Variants in TMEM50B observed in about 807,000 individuals in gnomAD.
The protein encoded by TMEM50B is transmembrane protein 50B, also known as HCV p7-trans-regulated protein 3.
TMEM50B carries 14 observed loss-of-function variants against 23.4 expected under a neutral mutation model. The observed-to-expected ratio is 0.60, with a 90% CI of 0.39 to 0.93. The LOEUF (loss-of-function observed/expected upper bound fraction) is 0.93, where lower values mean the gene tolerates loss of function less well. Among genes scored for constraint, TMEM50B ranks in the 40% least tolerant of loss-of-function variants. The pLI is 0.00. For synonymous variants in TMEM50B, 64 were observed against 62.3 expected (o/e 1.03, Z -0.13); for missense variants, 159 against 193.0 (o/e 0.82, Z 1.04).
chr21:33,435,102 A>G (rs1173018349), intron 8 of TMEM50B, among the ~76,000 whole-genome samples: 1 of 152,230 alleles, frequency 6.6e-6, no homozygotes, highest in Non-Finnish European at 1.5e-5. Context: ...AGTATCTTTC[A>G]GCATTTCCAA....
intron 8 of TMEM50B, chr21:33,437,502 T>G (rs1163955000): frequency 6.5e-6 from 1 of 153,566 alleles, no homozygotes; most frequent in Non-Finnish European, 1.4e-5. Context: ...GATTGTATAG[T>G]GCATGTTTTT....
intron 4 of TMEM50B, among the ~76,000 whole-genome samples, chr21:33,460,958 G>C (rs114294188): frequency 7.9e-4 from 120 of 152,300 alleles, no homozygotes; most frequent in African/African-American, 2.8e-3. Context: ...TTCTTTAGGA[G>C]TATATTCAGG....
At chr21:33,436,998 A>G in intron 8 of TMEM50B, 1 of 1,611,140 alleles carries the variant, frequency 6.2e-7, no homozygotes, top group Non-Finnish European at 8.5e-7. Context: ...GCTCCCTGGA[A>G]GAGATCAAGC....
Position 33,449,859 on chromosome 21 carries a change from C to G in TMEM50B, c.*959G>C, listed in dbSNP as rs1224556982. 6.6e-6 allele frequency: 1 copy of G among 152,602 alleles called. No individual in the cohort carries two copies. The highest frequency in any genetic ancestry group is 2.4e-5 in the African/African-American group (1 of 41,444). 9.5% of individuals were successfully genotyped at this position (152,602 alleles called of 1,614,324 possible). A position where few individuals can be genotyped will look rare whatever the true frequency, so the allele number is the denominator to read the frequency against. ...CAGTGGATATTTGAAGCTGCTTTTA[C>G]GAGAAGCATGGTGCTGAGCTGCCTT... On this transcript the variant is annotated 3_prime_UTR_variant, in exon 7 of 7. Coordinates refer to ENST00000542230, the MANE Select transcript of TMEM50B (RefSeq NM_006134.7).
intron 7 of TMEM50B, among the ~76,000 whole-genome samples, chr21:33,441,049 G>A (rs1298551906): frequency 1.3e-5 from 2 of 151,788 alleles, no homozygotes; most frequent in Non-Finnish European, 2.9e-5. Context: ...GGCCAACAAG[G>A]TGACACCCTG....
At chr21:33,465,635 A>G (rs2084258613) in intron 3 of TMEM50B, among the ~76,000 whole-genome samples, 1 of 152,238 alleles carries the variant, frequency 6.6e-6, no homozygotes, top group Non-Finnish European at 1.5e-5. Flanking sequence ...AGAGATTTCT[A>G]TCACTTCTCT....
intron 5 of TMEM50B, among the ~76,000 whole-genome samples, chr21:33,457,859 AC>A (rs1349423561): frequency 6.6e-6 from 1 of 151,382 alleles, no homozygotes; most frequent in Non-Finnish European, 1.5e-5. Context: ...ACCCCAACCC[AC>A]CCCCCGGAAC....
chr21:33,464,731 G>A (rs188943431), intron 4 of TMEM50B, among the ~76,000 whole-genome samples: 33 of 148,042 alleles, frequency 2.2e-4, no homozygotes, highest in African/African-American at 7.8e-4. Context: ...TTGAACCCAG[G>A]GGGTGGAGGT....
intron 1 of TMEM50B, among the ~76,000 whole-genome samples, chr21:33,475,587 C>T (rs1009149174): frequency 1.3e-5 from 2 of 152,046 alleles, no homozygotes; most frequent in African/African-American, 2.4e-5. Flanking sequence ...ACCTCGTGAT[C>T]CACCCGCCTT....
At chr21:33,435,882 C>CA (rs35251279) in intron 8 of TMEM50B, among the ~76,000 whole-genome samples, 22,541 of 48,394 alleles carry the variant, frequency 0.47, 5,587 homozygotes, top group Middle Eastern at 0.5. Flanking sequence ...GACTCCGTCT[C>CA]AAAAAAAAAA....
At position 33,450,656 on chromosome 21, in the gene TMEM50B, A is replaced by G. The variant is rs1287893897; in HGVS notation, c.*162T>C. 1 of 576,126 alleles carries G rather than the reference A, an allele frequency of 1.7e-6. No individual in the cohort carries two copies. The highest frequency in any genetic ancestry group is 1.9e-5 in the African/African-American group (1 of 53,696). The allele number at this position is 576,126 out of a possible 1,614,324, so 35.7% of individuals were successfully genotyped here. A position where few individuals can be genotyped will look rare whatever the true frequency, so the allele number is the denominator to read the frequency against. ...ATTAACAGTCTATGCAATGAAAAAT[A>G]AAGAAATTTCATAAAACTATTTCAA... On this transcript the variant is annotated 3_prime_UTR_variant, in exon 7 of 7. Coordinates refer to ENST00000542230, the MANE Select transcript of TMEM50B (RefSeq NM_006134.7).
At chr21:33,462,555 C>T (rs2084226367) in intron 4 of TMEM50B, among the ~76,000 whole-genome samples, 1 of 152,012 alleles carries the variant, frequency 6.6e-6, no homozygotes, top group Non-Finnish European at 1.5e-5. Context: ...ACCGGTAATC[C>T]CAGCTACTCT....
chr21:33,442,055 T>C (rs939355519), intron 7 of TMEM50B, among the ~76,000 whole-genome samples: 2 of 152,196 alleles, frequency 1.3e-5, no homozygotes, highest in Non-Finnish European at 2.9e-5. Context: ...TCCATTTTGA[T>C]TCTGACAACT....
At chr21:33,438,998 G>A (rs2083983975) in intron 8 of TMEM50B, among the ~76,000 whole-genome samples, 2 of 152,154 alleles carry the variant, frequency 1.3e-5, no homozygotes, top group South Asian at 2.1e-4. Flanking sequence ...AAAGGGTTGA[G>A]ATCACAGGCG....
intron 8 of TMEM50B, among the ~76,000 whole-genome samples, chr21:33,438,735 T>C (rs1446760768): frequency 1.3e-5 from 2 of 151,102 alleles, no homozygotes; most frequent in Non-Finnish European, 3.0e-5. Context: ...AAGTGGCTTT[T>C]TTTTTTTCTT....
At chr21:33,462,969 G>A (rs895114156) in intron 4 of TMEM50B, among the ~76,000 whole-genome samples, 2 of 152,202 alleles carry the variant, frequency 1.3e-5, no homozygotes, top group Non-Finnish European at 2.9e-5. Context: ...GTAGAAGTGA[G>A]GTTACAAAAT....
At chr21:33,434,179 C>T (rs1320603232) in intron 8 of TMEM50B, among the ~76,000 whole-genome samples, 2 of 152,134 alleles carry the variant, frequency 1.3e-5, no homozygotes, top group Non-Finnish European at 2.9e-5. Flanking sequence ...TCTGAGGACA[C>T]GGTCAGGACA....
rs1045899683 is a variant in TMEM50B, at chr21:33,449,947, C to T, written c.*871G>A. 3 of 152,582 alleles carry T rather than the reference C, an allele frequency of 2.0e-5. No homozygotes were observed. The highest frequency in any genetic ancestry group is 7.2e-5 in the African/African-American group (3 of 41,418). The allele number at this position is 152,582 out of a possible 1,614,324, so 9.5% of individuals were successfully genotyped here. ...TATTTGATCATGTATTATCCCTTCT[C>T]ACATAAAGTCATATTAGAGGAATTC... On this transcript the variant is annotated 3_prime_UTR_variant, in exon 7 of 7. Coordinates refer to ENST00000542230, the MANE Select transcript of TMEM50B (RefSeq NM_006134.7).
At chr21:33,447,424 C>CAAG (rs1464827781), downstream of TMEM50B, among the ~76,000 whole-genome samples, 1 of 151,924 alleles carries the variant, frequency 6.6e-6, no homozygotes, top group Non-Finnish European at 1.5e-5. Context: ...CCAGCCTGGG[C>CAAG]AAGAGTAAGA....
Sources: allele counts gnomAD v4.1 joint callset (sites outside exome capture counted in the v4.1 genomes callset), GRCh38; gene constraint gnomAD v4.1.1; transcripts MANE v1.5; gene names NCBI Gene and HGNC (gene_info 2026-07-23, HGNC 2026-07-21).